Variants in C21orf91 observed in about 807,000 individuals in gnomAD.
The protein encoded by C21orf91 is protein EURL homolog.
A neutral mutation model predicts 32.9 loss-of-function variants in C21orf91; 26 were observed. That is an observed-to-expected ratio of 0.79 (90% CI 0.58 to 1.10). The LOEUF is 1.10. Ranked by LOEUF, C21orf91 falls within the 50% of genes least tolerant of loss-of-function variation. The pLI, the probability that C21orf91 is intolerant of heterozygous loss-of-function variation, is 0.00. For missense variants in C21orf91, 310 were observed against 341.3 expected (o/e 0.91, Z 0.72); for synonymous variants, 126 against 120.4 (o/e 1.05, Z -0.31).
At chr21:17,818,471 C>T in intron 1 of C21orf91, 146 bp from the exon 2 acceptor site, 1 of 660,218 alleles carries the variant, frequency 1.5e-6, no homozygotes, top group Non-Finnish European at 2.6e-6. Flanking sequence ...GCCATACTTG[C>T]ACTCCAACAT....
chr21:17,811,516 T>C (rs935337226), intron 2 of C21orf91: 6 of 152,206 alleles, frequency 3.9e-5, no homozygotes. Flanking sequence ...AAAATTACAC[T>C]TTTAGCGTCT....
At chr21:17,800,472 C>T (rs1264586488) in intron 2 of C21orf91, among the ~76,000 whole-genome samples, 1 of 152,156 alleles carries the variant, frequency 6.6e-6, no homozygotes, top group African/African-American at 2.4e-5. Context: ...GTTGTTTCTA[C>T]CTCATCAGTT....
intron 2 of C21orf91, among the ~76,000 whole-genome samples, chr21:17,801,582 T>TG (rs1417549068): frequency 6.6e-6 from 1 of 151,866 alleles, no homozygotes; most frequent in Non-Finnish European, 1.5e-5. Flanking sequence ...TATGTTCTTA[T>TG]TCATAAGTGG....
intron 2 of C21orf91, among the ~76,000 whole-genome samples, chr21:17,802,763 C>T (rs757017786): frequency 2.6e-5 from 4 of 152,228 alleles, no homozygotes; most frequent in Non-Finnish European, 4.4e-5. Flanking sequence ...TGTCTCTCAG[C>T]TGTCTATGCT....
At position 17,793,466 on chromosome 21, in the gene C21orf91, A is replaced by T; in HGVS notation, c.843T>A (p.Cys281Ter). The T allele has an allele frequency of 6.2e-7, 1 of 1,613,432 alleles. No individual in the cohort carries two copies. The change falls in exon 5 of 5, where the codon TGT becomes TGA. Residue 281 changes from cysteine to a stop codon, truncating the protein, a stop_gained. Coordinates refer to ENST00000284881, the MANE Select transcript of C21orf91 (RefSeq NM_001100420.2). LOFTEE classifies it high-confidence loss of function. ...TCATTCCTGTTCGCCCTACTTGCAG[A>T]CATGGTAACTTAGAACAGTTCTTCA... The part of the protein sequence containing the change: ...QLLKNCSKLP[C>*]LQVGRTGMKS...
chr21:17,803,519 A>G (rs1035574413), intron 2 of C21orf91, among the ~76,000 whole-genome samples: 2 of 152,200 alleles, frequency 1.3e-5, no homozygotes, highest in African/African-American at 2.4e-5. Context: ...TGTGTCTTAA[A>G]AAAAAGAAAA....
Position 17,790,426 on chromosome 21 carries a change from A to G in C21orf91, c.*2989T>C, listed in dbSNP as rs2062464332. 6.6e-6 allele frequency: 1 copy of G among 152,166 alleles called. No homozygotes were observed. Among genetic ancestry groups the G allele is most frequent in the South Asian group, 2.1e-4 (1 of 4,830 alleles). 9.4% of individuals were successfully genotyped at this position (152,166 alleles called of 1,614,324 possible). ...TTTCAGTCATAAATATAGTAAAATGAAAAACCAAATCTCAAGATGCCTGTC... is the reference window on the plus strand; with the variant it reads ...TTTCAGTCATAAATATAGTAAAATGGAAAACCAAATCTCAAGATGCCTGTC... On this transcript the variant is annotated 3_prime_UTR_variant, in exon 5 of 5. Coordinates refer to ENST00000284881, the MANE Select transcript of C21orf91 (RefSeq NM_001100420.2).
chr21:17,810,971 T>C (rs1035573809), intron 2 of C21orf91: 1 of 152,252 alleles, frequency 6.6e-6, no homozygotes, highest in African/African-American at 2.4e-5. Flanking sequence ...TCATTAAATA[T>C]CGTGAGTAGA....
At chr21:17,798,349 A>G (rs2062535586) in intron 2 of C21orf91, among the ~76,000 whole-genome samples, 1 of 152,224 alleles carries the variant, frequency 6.6e-6, no homozygotes, top group African/African-American at 2.4e-5. Flanking sequence ...TTAAAAATAT[A>G]TATAGTATCA....
intron 2 of C21orf91, among the ~76,000 whole-genome samples, chr21:17,810,227 A>G (rs2062623540): frequency 1.3e-5 from 2 of 152,342 alleles, no homozygotes; most frequent in Admixed American, 1.3e-4. Context: ...TTCCCATAAT[A>G]TAGTGATTAA....
rs1304909536 is a variant in C21orf91, at chr21:17,789,264, C to CACACACACACACAT, written c.*4150_*4151insATGTGTGTGTGTGT. 209 of 98,610 alleles carry CACACACACACACAT rather than the reference C, an allele frequency of 2.1e-3. 1 individual carries two copies. Among genetic ancestry groups the CACACACACACACAT allele is most frequent in the African/African-American group, 6.7e-3 (195 of 28,988 alleles). The allele number at this position is 98,610 out of a possible 1,614,324, so 6.1% of individuals were successfully genotyped here. On this transcript the variant is annotated 3_prime_UTR_variant, in exon 5 of 5. Transcript: ENST00000284881. ...TTTTAAAGCAAGGTTCACACACACA[C>CACACACACACACAT]ACACACACACACACACACACACAAA...
In C21orf91 at chr21:17,807,418, C is replaced by T. The variant is rs2062604584; in HGVS notation, c.128-10300G>A. Among the ~76,000 whole-genome samples, 3 of 152,134 alleles carry T rather than the reference C, an allele frequency of 2.0e-5. No individual in the cohort carries two copies. The South Asian group carries it at 6.2e-4, about 31-fold the overall frequency. On this transcript the variant is annotated intron_variant, in intron 2 of 4. Transcript: ENST00000284881. ...AGCCTGTGGAACTGTGACCCAATCT[C>T]AGGTAGTTCTTTATAGCAATGCAAG... is the stretch of plus-strand genomic sequence containing the variant.
Position 17,796,898 on chromosome 21 carries a change from G to A in C21orf91, c.348C>T (p.Pro116=), listed in dbSNP as rs1350110678. Reference sequence around the variant, plus strand: ...GCCTGAAATTAAACAGATGATGCTGGGGGTTTTTAGAACATTCAGAATCTG... The same window carrying A: ...GCCTGAAATTAAACAGATGATGCTGAGGGTTTTTAGAACATTCAGAATCTG... ...LDSDSECSKN[P]QHHLFNFRHK... Residue 116 remains proline (P), a synonymous_variant, in exon 3 of 5, where the codon CCC becomes CCT. Transcript: ENST00000284881. 1 of 1,613,560 alleles carries A rather than the reference G, an allele frequency of 6.2e-7. No homozygotes were observed. The highest frequency in any genetic ancestry group is 1.3e-5 in the African/African-American group (1 of 74,884).
At chr21:17,801,415 T>C (rs904951049) in intron 2 of C21orf91, among the ~76,000 whole-genome samples, 16 of 151,734 alleles carry the variant, frequency 1.1e-4, no homozygotes, top group South Asian at 2.1e-4. Context: ...GGACTACAGG[T>C]GCCCGCCACC....
At position 17,796,624 on chromosome 21, in the gene C21orf91, C is replaced by T; in HGVS notation, c.622G>A (p.Ala208Thr). Reference sequence around the variant, plus strand: ...TGTGGATGCTGGGTCTGGACATTAGCCTCTGGACTAGAGATTGTCTCTTCT... The same window carrying T: ...TGTGGATGCTGGGTCTGGACATTAGTCTCTGGACTAGAGATTGTCTCTTCT... Reference protein sequence around the residue: ...KKEETISSPEANVQTQHPHYS... With the variant: ...KKEETISSPETNVQTQHPHYS... Residue 208 changes from alanine to threonine, a missense_variant, in exon 3 of 5, where the codon GCT (alanine) becomes ACT (threonine). Ala to Thr is a moderately conservative substitution (Grantham distance 58). Coordinates refer to ENST00000284881, the MANE Select transcript of C21orf91 (RefSeq NM_001100420.2). 1 of 1,614,006 alleles carries T rather than the reference C, an allele frequency of 6.2e-7. No individual in the cohort carries two copies. Among genetic ancestry groups the T allele is most frequent in the Non-Finnish European group, 8.5e-7 (1 of 1,179,906 alleles).
At chr21:17,817,892 G>A (rs1460272021) in intron 2 of C21orf91, 2 of 224,336 alleles carry the variant, frequency 8.9e-6, no homozygotes, top group Non-Finnish European at 1.7e-5. Flanking sequence ...GTTAAAATCT[G>A]ACAATTCAAT....
intron 2 of C21orf91, among the ~76,000 whole-genome samples, chr21:17,809,256 A>T (rs1428830649): frequency 1.3e-5 from 2 of 152,260 alleles, no homozygotes; most frequent in African/African-American, 4.8e-5. Context: ...GGTCAAAATT[A>T]TGAAGGATAT....
chr21:17,795,076 C>T, intron 4 of C21orf91, 132 bp downstream of exon 4: 1 of 681,076 alleles, frequency 1.5e-6, no homozygotes, highest in Admixed American at 2.3e-5. Context: ...TCTTTTTGCT[C>T]TGGAAACTCT....
intron 4 of C21orf91, among the ~76,000 whole-genome samples, chr21:17,794,044 C>T (rs1426193589): frequency 6.6e-6 from 1 of 152,166 alleles, no homozygotes; most frequent in Non-Finnish European, 1.5e-5. Flanking sequence ...GTTTCAATTT[C>T]CTTTTCTGTG....
Sources: gnomAD v4.1 joint callset for allele counts (sites outside exome capture counted in the v4.1 genomes callset) on GRCh38, gnomAD v4.1.1 for gene constraint, MANE v1.5 for transcripts, NCBI Gene and HGNC (gene_info 2026-07-23, HGNC 2026-07-21) for gene names.